GRID2: variants seen among roughly 807,000 people sequenced by gnomAD.
GRID2 encodes glutamate receptor ionotropic, delta-2.
In GRID2, 33 loss-of-function variants were observed where a neutral mutation model predicts 114.8. That is an observed-to-expected ratio of 0.29 (90% CI 0.22 to 0.38). GRID2 has a LOEUF of 0.38. Ranked by LOEUF, GRID2 falls within the 10% of genes least tolerant of loss-of-function variation. The probability of loss-of-function intolerance (pLI) is 1.00; values close to 1 mark genes in which losing one functional copy is unlikely to be tolerated. For synonymous variants in GRID2, 505 were observed against 449.9 expected (o/e 1.12, Z -1.55); for missense variants, 1,184 against 1,257.7 (o/e 0.94, Z 0.89).
At chr4:93,588,131 C>T (rs1438620809) in intron 13 of GRID2, among the ~76,000 whole-genome samples, 1 of 151,876 alleles carries the variant, frequency 6.6e-6, no homozygotes, top group Non-Finnish European at 1.5e-5. Flanking sequence ...TGGTCAAGAA[C>T]TTGTAAAGTT....
intron 2 of GRID2, among the ~76,000 whole-genome samples, chr4:92,938,225 A>G (rs1328353473): frequency 6.8e-6 from 1 of 146,494 alleles, no homozygotes. Flanking sequence ...TCCTTTTAAT[A>G]TGCTGCTGGA....
intron 14 of GRID2, among the ~76,000 whole-genome samples, chr4:93,691,926 T>C (rs76724930): frequency 0.041 from 6,240 of 152,088 alleles, 197 homozygotes; most frequent in African/African-American, 0.081. Context: ...ACAGTGTGTG[T>C]GTGTATGTAT....
In GRID2 at chr4:92,749,256, A is replaced by G. The variant is rs139179423; in HGVS notation, c.244+158970A>G. On this transcript the variant is annotated intron_variant, in intron 2 of 15. Coordinates refer to ENST00000282020, the MANE Select transcript of GRID2 (RefSeq NM_001510.4). ...TGACCTCGTGATCTGCCCGCCTCCCAAAGTACTGGGATTACAGCAGGCATG... is the reference window on the plus strand; with the variant it reads ...TGACCTCGTGATCTGCCCGCCTCCCGAAGTACTGGGATTACAGCAGGCATG... Among the ~76,000 whole-genome samples, 112 of 143,098 alleles carry G rather than the reference A, an allele frequency of 7.8e-4. No individual in the cohort carries two copies. In the East Asian group the frequency reaches 0.022, roughly 28 times the overall value. 93.9% of individuals were successfully genotyped at this position (143,098 alleles called of 152,430 possible). A position where few individuals can be genotyped will look rare whatever the true frequency, so the allele number is the denominator to read the frequency against.
chr4:93,500,270 G>T (rs1007880276), intron 12 of GRID2, among the ~76,000 whole-genome samples: 2 of 151,900 alleles, frequency 1.3e-5, no homozygotes, highest in Non-Finnish European at 2.9e-5. Flanking sequence ...CAACTTCATA[G>T]GTTTAGTGTA....
At chr4:93,302,556 G>A (rs376479831) in intron 8 of GRID2, 12 of 455,880 alleles carry the variant, frequency 2.6e-5, no homozygotes, top group Admixed American at 1.4e-4. Flanking sequence ...ACATATGTAC[G>A]CACAACTGAA....
At chr4:92,701,411 A>G (rs1040054930) in intron 2 of GRID2, among the ~76,000 whole-genome samples, 1 of 152,164 alleles carries the variant, frequency 6.6e-6, no homozygotes, top group African/African-American at 2.4e-5. Context: ...TATAATAAAA[A>G]TTTTAAAATG....
intron 2 of GRID2, among the ~76,000 whole-genome samples, chr4:92,660,488 G>T (rs775619788): frequency 2.6e-5 from 4 of 151,238 alleles, no homozygotes; most frequent in Non-Finnish European, 4.4e-5. Flanking sequence ...AATGAACACA[G>T]CTTTTCCATG....
intron 2 of GRID2, among the ~76,000 whole-genome samples, chr4:92,725,027 G>A (rs543594484): frequency 1.1e-4 from 17 of 152,186 alleles, no homozygotes; most frequent in Admixed American, 5.2e-4. Context: ...GGGGCTGGGC[G>A]CGGTGGTTCA....
intron 7 of GRID2, among the ~76,000 whole-genome samples, chr4:93,225,232 T>A (rs1018213693): frequency 3.3e-5 from 5 of 152,202 alleles, no homozygotes; most frequent in African/African-American, 1.2e-4. Context: ...GTAGATAATA[T>A]GTTGCAGCAT....
chr4:92,786,766 GT>G (rs1578190250), intron 2 of GRID2, among the ~76,000 whole-genome samples: 1 of 152,026 alleles, frequency 6.6e-6, no homozygotes, highest in East Asian at 1.9e-4. Flanking sequence ...ATATTCTCAT[GT>G]ATTTTTAGAC....
chr4:93,670,282 T>G (rs1021262657), intron 14 of GRID2, among the ~76,000 whole-genome samples: 1 of 152,206 alleles, frequency 6.6e-6, no homozygotes, highest in Non-Finnish European at 1.5e-5. Flanking sequence ...TGCAGTAAGC[T>G]AAACTTAAGA....
chr4:93,758,596 C>G (rs1298755829), intron 14 of GRID2, among the ~76,000 whole-genome samples: 1 of 152,140 alleles, frequency 6.6e-6, no homozygotes, highest in African/African-American at 2.4e-5. Flanking sequence ...TCTTCTCTTT[C>G]CTAAGAGTAT....
At chr4:93,332,299 T>TGAGAGAGAGAGAGA (rs10596544) in intron 8 of GRID2, among the ~76,000 whole-genome samples, 14 of 121,040 alleles carry the variant, frequency 1.2e-4, no homozygotes, top group African/African-American at 3.6e-4. Context: ...TGTGTGTGTG[T>TGAGAGAGAGAGAGA]GAGAGAGAGA....
chr4:92,304,779 TA>T (rs771664535), intron 1 of GRID2, 35 bp downstream of exon 1: 1 of 1,440,076 alleles, frequency 6.9e-7, no homozygotes, highest in Non-Finnish European at 9.8e-7. Context: ...TGGTTACTTT[TA>T]CCGTTTCAGT....
chr4:92,728,243 G>A (rs1162171096), intron 2 of GRID2, among the ~76,000 whole-genome samples: 1 of 151,968 alleles, frequency 6.6e-6, no homozygotes, highest in Non-Finnish European at 1.5e-5. Flanking sequence ...TTACTCTTCT[G>A]TTGCTAGTAA....
intron 8 of GRID2, among the ~76,000 whole-genome samples, chr4:93,365,314 A>T (rs2149281498): frequency 6.6e-6 from 1 of 152,316 alleles, no homozygotes; most frequent in South Asian, 2.1e-4. Flanking sequence ...TGCCTCCTCT[A>T]CAATCCATTT....
chr4:93,017,355 A>G (rs1230534115), intron 2 of GRID2, among the ~76,000 whole-genome samples: 1 of 152,176 alleles, frequency 6.6e-6, no homozygotes, highest in Non-Finnish European at 1.5e-5. Context: ...TTTTTAGTAT[A>G]GCTACTTTAT....
chr4:93,612,622 G>A (rs1407172035), intron 13 of GRID2, among the ~76,000 whole-genome samples: 1 of 98,268 alleles, frequency 1.0e-5, no homozygotes, highest in Non-Finnish European at 2.2e-5. Flanking sequence ...TTTTCTTTAA[G>A]AATGTTGAAT....
intron 2 of GRID2, among the ~76,000 whole-genome samples, chr4:92,889,363 A>C (rs1746585590): frequency 6.6e-6 from 1 of 152,286 alleles, no homozygotes; most frequent in East Asian, 1.9e-4. Flanking sequence ...TATATTTAGA[A>C]AACCCCATCC....
Sources: allele counts gnomAD v4.1 joint callset (sites outside exome capture counted in the v4.1 genomes callset), GRCh38; gene constraint gnomAD v4.1.1; transcripts MANE v1.5; gene names NCBI Gene and HGNC (gene_info 2026-07-23, HGNC 2026-07-21).